STX8: variants seen among roughly 807,000 people sequenced by gnomAD.
STX8 encodes syntaxin-8.
A neutral mutation model predicts 37.5 loss-of-function variants in STX8; 23 were observed. That is an observed-to-expected ratio of 0.61 (90% CI 0.44 to 0.87). The LOEUF is 0.87. Among genes scored for constraint, STX8 ranks in the 40% least tolerant of loss-of-function variants. STX8 has a pLI of 0.00. For synonymous variants in STX8, 115 were observed against 99.1 expected (o/e 1.16, Z -0.95); for missense variants, 313 against 284.7 (o/e 1.10, Z -0.71).
chr17:9,530,178 A>G (rs1905757740), intron 4 of STX8, among the ~76,000 whole-genome samples: 1 of 151,830 alleles, frequency 6.6e-6, no homozygotes, highest in Non-Finnish European at 1.5e-5. Context: ...AGGTGCAGTG[A>G]CGGGCGCCTG....
intron 7 of STX8, among the ~76,000 whole-genome samples, chr17:9,368,910 C>G (rs1402991353): frequency 6.8e-6 from 1 of 147,904 alleles, no homozygotes; most frequent in African/African-American, 2.6e-5. Context: ...TAAGTCCTAT[C>G]TACCTTTTAC....
At chr17:9,402,894 C>A (rs561306283) in intron 6 of STX8, among the ~76,000 whole-genome samples, 48 of 152,256 alleles carry the variant, frequency 3.2e-4, no homozygotes, top group Middle Eastern at 3.4e-3. Flanking sequence ...ACTATGGATA[C>A]GGAGAATATC....
intron 6 of STX8, among the ~76,000 whole-genome samples, chr17:9,425,406 A>G (rs540552157): frequency 1.4e-3 from 208 of 152,320 alleles, no homozygotes; most frequent in Admixed American, 2.2e-3. Flanking sequence ...AATTATGTAT[A>G]CTGTTAATAT....
intron 2 of STX8, among the ~76,000 whole-genome samples, chr17:9,565,400 G>A (rs1907415201): frequency 6.6e-6 from 1 of 152,076 alleles, no homozygotes; most frequent in Admixed American, 6.6e-5. Flanking sequence ...CAGATCACTT[G>A]AGGTCAGGAT....
At chr17:9,461,849 G>C (rs1017236321) in intron 6 of STX8, among the ~76,000 whole-genome samples, 4 of 152,078 alleles carry the variant, frequency 2.6e-5, no homozygotes, top group African/African-American at 9.7e-5. Context: ...GGTCCCATCT[G>C]GGGGTGATGG....
chr17:9,382,112 A>G (rs933874021), intron 6 of STX8, among the ~76,000 whole-genome samples: 2 of 152,148 alleles, frequency 1.3e-5, no homozygotes, highest in African/African-American at 4.8e-5. Context: ...ATAAATAGCT[A>G]CATGTATCGA....
At chr17:9,279,675 T>C (rs941856083) in intron 7 of STX8, among the ~76,000 whole-genome samples, 2 of 152,082 alleles carry the variant, frequency 1.3e-5, no homozygotes, top group African/African-American at 4.8e-5. Flanking sequence ...TCTTCCCTGC[T>C]ACAGAACATC....
Position 9,514,644 on chromosome 17 carries a change from CAAT to C in STX8, c.324-9485_324-9483del, listed in dbSNP as rs1567593135. Among the ~76,000 whole-genome samples the C allele has an allele frequency of 2.0e-5, 3 of 152,160 alleles. No homozygotes were observed. In the East Asian group the frequency reaches 5.8e-4, roughly 29 times the overall value. On this transcript the variant is annotated intron_variant, in intron 4 of 7. Transcript: ENST00000306357. ...AAACAAACAAAAAACAAAATGATGA[CAAT>C]GATGTTACAATAGCAATAACAACAG...
At chr17:9,405,341 C>G (rs1912765341) in intron 6 of STX8, among the ~76,000 whole-genome samples, 1 of 152,044 alleles carries the variant, frequency 6.6e-6, no homozygotes, top group Non-Finnish European at 1.5e-5. Context: ...AGTGTTGAAC[C>G]TTTGGGGTTC....
intron 4 of STX8, among the ~76,000 whole-genome samples, chr17:9,531,817 T>C (rs1597727273): frequency 7.1e-6 from 1 of 141,332 alleles, no homozygotes; most frequent in East Asian, 2.0e-4. Flanking sequence ...TCTACAGATT[T>C]CATGTTTTTT....
intron 6 of STX8, among the ~76,000 whole-genome samples, chr17:9,487,412 C>T (rs1163534087): frequency 6.6e-6 from 1 of 152,044 alleles, no homozygotes; most frequent in African/African-American, 2.4e-5. Context: ...GGCTGCAGCC[C>T]CATTCTTAAC....
chr17:9,289,899 G>T (rs1296754940), intron 7 of STX8, among the ~76,000 whole-genome samples: 2 of 152,206 alleles, frequency 1.3e-5, no homozygotes, highest in African/African-American at 4.8e-5. Flanking sequence ...CTCTGTTAAT[G>T]ATATTGATAT....
chr17:9,278,948 T>C (rs956043918), intron 7 of STX8, among the ~76,000 whole-genome samples: 24 of 152,134 alleles, frequency 1.6e-4, no homozygotes, highest in African/African-American at 5.6e-4. Context: ...AGAGAGTCTA[T>C]TGCACATCAA....
intron 6 of STX8, among the ~76,000 whole-genome samples, chr17:9,438,488 G>A (rs1904523909): frequency 6.6e-6 from 1 of 151,952 alleles, no homozygotes; most frequent in African/African-American, 2.4e-5. Flanking sequence ...GGCACACTAA[G>A]GTTTGGGAAA....
chr17:9,329,946 C>T (rs1909908489), intron 7 of STX8, among the ~76,000 whole-genome samples: 2 of 152,088 alleles, frequency 1.3e-5, no homozygotes, highest in African/African-American at 4.8e-5. Flanking sequence ...GACCCCGAAG[C>T]GTGCTGATCC....
intron 7 of STX8, among the ~76,000 whole-genome samples, chr17:9,276,922 C>T (rs1907697860): frequency 6.6e-6 from 1 of 151,102 alleles, no homozygotes; most frequent in Non-Finnish European, 1.5e-5. Context: ...AGGTGTGAGC[C>T]ACTGCACTCA....
intron 6 of STX8, among the ~76,000 whole-genome samples, chr17:9,454,562 C>A (rs938580852): frequency 6.6e-6 from 1 of 152,094 alleles, no homozygotes; most frequent in African/African-American, 2.4e-5. Context: ...CGCCTATAGT[C>A]CCAGCTACTC....
intron 6 of STX8, among the ~76,000 whole-genome samples, chr17:9,438,646 C>A (rs979702220): frequency 2.0e-5 from 3 of 152,020 alleles, no homozygotes; most frequent in African/African-American, 7.2e-5. Context: ...CACAGTCAAA[C>A]AGCCGGGCGT....
intron 6 of STX8, among the ~76,000 whole-genome samples, chr17:9,413,863 T>C (rs1448851319): frequency 7.3e-6 from 1 of 137,226 alleles, no homozygotes; most frequent in African/African-American, 2.7e-5. Flanking sequence ...CGTATGTAAG[T>C]ATGTATGCAT....
Sources: gnomAD v4.1 joint callset for allele counts (sites outside exome capture counted in the v4.1 genomes callset) on GRCh38, gnomAD v4.1.1 for gene constraint, MANE v1.5 for transcripts, NCBI Gene and HGNC (gene_info 2026-07-23, HGNC 2026-07-21) for gene names.